The following FOCAD variants were observed in gnomAD, a reference collection of about 807,000 sequenced individuals.
FOCAD encodes the protein focadhesin, also known as KIAA1797.
A neutral mutation model predicts 225.6 loss-of-function variants in FOCAD; 198 were observed. That is an observed-to-expected ratio of 0.88 (90% CI 0.78 to 0.99). FOCAD has a LOEUF of 0.99. Ranked by LOEUF, FOCAD falls within the 50% of genes least tolerant of loss-of-function variation. The probability of loss-of-function intolerance (pLI) is 0.00; values close to 1 mark genes in which losing one functional copy is unlikely to be tolerated. For synonymous variants in FOCAD, 897 were observed against 755.0 expected, an observed-to-expected ratio of 1.19 and a Z score of -3.08; for missense variants, 2,713 against 2,123.6, an observed-to-expected ratio of 1.28 and a Z score of -5.46.
chr9:20,756,187 A>G (rs1239018992), intron 5 of FOCAD, among the ~76,000 whole-genome samples: 1 of 152,160 alleles, frequency 6.6e-6, no homozygotes, highest in Non-Finnish European at 1.5e-5. Flanking sequence ...AGTTGCTTGG[A>G]GTGATCCCTT....
At chr9:20,715,269 C>A (rs1586923956) in intron 1 of FOCAD, 53 bp from the exon 2 acceptor site, 1 of 749,584 alleles carries the variant, frequency 1.3e-6, no homozygotes, top group Admixed American at 2.7e-5. Context: ...TAATTGGAGC[C>A]CCAATTCAGA....
At chr9:20,993,591 T>G (rs1157132173) in intron 43 of FOCAD, among the ~76,000 whole-genome samples, 1 of 152,210 alleles carries the variant, frequency 6.6e-6, no homozygotes, top group African/African-American at 2.4e-5. Context: ...GAAGGTAATT[T>G]TATATAATAT....
At chr9:20,901,753 C>T (rs901133406) in intron 21 of FOCAD, among the ~76,000 whole-genome samples, 36 of 151,954 alleles carry the variant, frequency 2.4e-4, no homozygotes, top group African/African-American at 8.4e-4. Context: ...TTCAAATATA[C>T]TTAATTAAAG....
At chr9:20,978,204 A>G (rs532014966) in intron 36 of FOCAD, 135 bp from the exon 37 acceptor site, 2 of 550,280 alleles carry the variant, frequency 3.6e-6, no homozygotes, top group Admixed American at 3.6e-5. Flanking sequence ...CTCTTGAAAT[A>G]TCTCTTCTGG....
chr9:20,843,648 C>G (rs1053218909), intron 15 of FOCAD, among the ~76,000 whole-genome samples: 1 of 152,036 alleles, frequency 6.6e-6, no homozygotes, highest in Non-Finnish European at 1.5e-5. Flanking sequence ...ATATCTTTCT[C>G]TAGGTTTGGG....
In FOCAD at chr9:20,982,348, C is replaced by A. The variant is rs1195310067; in HGVS notation, c.4639-9C>A. 2 of 1,598,324 alleles carry A rather than the reference C, an allele frequency of 1.3e-6. No homozygotes were observed. Among genetic ancestry groups the A allele is most frequent in the African/African-American group, 2.7e-5 (2 of 74,500 alleles). Reference sequence around the variant, plus strand: ...GTTTGTTGACATGTTTGGGATTTTTCTTTATCAGAGAAAGGATCTAGAGCT... The same window carrying A: ...GTTTGTTGACATGTTTGGGATTTTTATTTATCAGAGAAAGGATCTAGAGCT... On this transcript the variant is annotated splice_polypyrimidine_tract_variant and intron_variant, in intron 38 of 43. Transcript: ENST00000338382.
intron 43 of FOCAD, among the ~76,000 whole-genome samples, chr9:20,994,133 T>A (rs1055547100): frequency 3.3e-5 from 5 of 152,236 alleles, no homozygotes; most frequent in Non-Finnish European, 7.3e-5. Context: ...ATAAGTAGTG[T>A]TTTTAATGAG....
intron 19 of FOCAD, among the ~76,000 whole-genome samples, chr9:20,879,114 G>T (rs1341839795): frequency 6.6e-6 from 1 of 152,054 alleles, no homozygotes; most frequent in Non-Finnish European, 1.5e-5. Flanking sequence ...TGCTTTACCA[G>T]GTTTCTAGGT....
chr9:20,943,600 C>G (rs1587684408), intron 28 of FOCAD, among the ~76,000 whole-genome samples: 1 of 152,026 alleles, frequency 6.6e-6, no homozygotes, highest in East Asian at 1.9e-4. Flanking sequence ...GTAACATGTT[C>G]ATAAAATTAT....
chr9:20,884,149 C>T (rs1326994514), intron 20 of FOCAD, among the ~76,000 whole-genome samples: 1 of 152,110 alleles, frequency 6.6e-6, no homozygotes, highest in Admixed American at 6.5e-5. Flanking sequence ...TTAATAGAAT[C>T]TCTAGAACTA....
At chr9:20,723,700 C>G (rs1825972541) in intron 4 of FOCAD, among the ~76,000 whole-genome samples, 1 of 152,220 alleles carries the variant, frequency 6.6e-6, no homozygotes, top group Non-Finnish European at 1.5e-5. Flanking sequence ...CCTTAACAAA[C>G]AGAAATAGTA....
At chr9:20,714,635 C>CCTGCCTGCCTGCCTTCCTTCCTTCCTTA (rs1825165698) in intron 1 of FOCAD, among the ~76,000 whole-genome samples, 1 of 97,088 alleles carries the variant, frequency 1.0e-5, no homozygotes, top group African/African-American at 4.6e-5. Flanking sequence ...TGCCTGCCTG[C>CCTGCCTGCCTGCCTTCCTTCCTTCCTTA]CTTCCTTCCT....
intron 1 of FOCAD, among the ~76,000 whole-genome samples, chr9:20,711,256 T>C (rs1386020868): frequency 2.0e-5 from 3 of 152,172 alleles, no homozygotes; most frequent in South Asian, 4.1e-4. Context: ...TCCTGTAGGA[T>C]TGAGCAGATT....
At chr9:20,874,604 CA>C in intron 18 of FOCAD, 76 bp from the exon 19 acceptor site, 4 of 1,505,468 alleles carry the variant, frequency 2.7e-6, no homozygotes, top group Admixed American at 2.1e-5. Flanking sequence ...AATCTTGTCA[CA>C]AAAAAGGATA....
chr9:20,955,276 T>C (rs1477643172), intron 35 of FOCAD, among the ~76,000 whole-genome samples: 2 of 152,140 alleles, frequency 1.3e-5, no homozygotes, highest in African/African-American at 4.8e-5. Flanking sequence ...TGTGCTAGGA[T>C]GAGTTTGGGC....
chr9:20,787,946 G>T (rs1342337292), intron 10 of FOCAD, among the ~76,000 whole-genome samples: 1 of 152,098 alleles, frequency 6.6e-6, no homozygotes, highest in Non-Finnish European at 1.5e-5. Context: ...AATTGTCAAA[G>T]AAATTGCATA....
At chr9:20,839,835 T>G (rs1334163929) in intron 15 of FOCAD, among the ~76,000 whole-genome samples, 1 of 152,122 alleles carries the variant, frequency 6.6e-6, no homozygotes, top group Non-Finnish European at 1.5e-5. Context: ...TTGACTTTTT[T>G]ATATGCTAAG....
intron 11 of FOCAD, among the ~76,000 whole-genome samples, chr9:20,791,006 T>G (rs946764473): frequency 1.3e-5 from 2 of 152,190 alleles, no homozygotes. Context: ...TGCTTTCTGC[T>G]TTATCTCTCC....
chr9:20,679,182 A>C (rs1822326165), intron 2 of FOCAD, among the ~76,000 whole-genome samples: 1 of 107,958 alleles, frequency 9.3e-6, no homozygotes, highest in African/African-American at 3.4e-5. Flanking sequence ...TTGGGGATGG[A>C]GGTGTGTGGT....
Sources: gnomAD v4.1 joint callset for allele counts (sites outside exome capture counted in the v4.1 genomes callset) on GRCh38, gnomAD v4.1.1 for gene constraint, MANE v1.5 for transcripts, NCBI Gene and HGNC (gene_info 2026-07-23, HGNC 2026-07-21) for gene names.